The following CLIP4 variants were observed in gnomAD, a reference collection of about 807,000 sequenced individuals.
CLIP4 encodes CAP-Gly domain-containing linker protein 4.
CLIP4 carries 47 observed loss-of-function variants against 73.1 expected under a neutral mutation model. The ratio of observed to expected loss-of-function variants is 0.64; its 90% confidence interval spans 0.51 to 0.82. CLIP4 has a LOEUF of 0.82. Among genes scored for constraint, CLIP4 ranks in the 40% least tolerant of loss-of-function variants. The probability of loss-of-function intolerance (pLI) is 0.00; values close to 1 mark genes in which losing one functional copy is unlikely to be tolerated. For synonymous variants in CLIP4, 306 were observed against 295.4 expected (o/e 1.04, Z -0.37); for missense variants, 874 against 852.9 (o/e 1.02, Z -0.31).
intron 2 of CLIP4, among the ~76,000 whole-genome samples, chr2:29,127,611 T>C (rs1215244764): frequency 7.2e-5 from 11 of 152,112 alleles, no homozygotes; most frequent in Non-Finnish European, 1.6e-4. Flanking sequence ...TAATTCTTGT[T>C]CTGCTTGATT....
chr2:29,117,344 GTTTTTT>G (rs34002777), intron 1 of CLIP4, among the ~76,000 whole-genome samples: 1 of 141,720 alleles, frequency 7.1e-6, no homozygotes, highest in Non-Finnish European at 1.5e-5. Context: ...TTTTGTTTTT[GTTTTTT>G]TTTTTTGAGA....
At chr2:29,157,414 T>G (rs1339195605) in intron 11 of CLIP4, 67 bp downstream of exon 11, 1 of 1,613,080 alleles carries the variant, frequency 6.2e-7, no homozygotes, top group Admixed American at 1.7e-5. Context: ...TAAGTAGATT[T>G]GCTCTTTTTA....
At chr2:29,159,163 T>C (rs1452094272) in intron 11 of CLIP4, among the ~76,000 whole-genome samples, 1 of 152,250 alleles carries the variant, frequency 6.6e-6, no homozygotes, top group Non-Finnish European at 1.5e-5. Flanking sequence ...TTGGTTATGA[T>C]GAGGGCCTCG....
At chr2:29,136,790 A>G (rs1342438843) in intron 6 of CLIP4, among the ~76,000 whole-genome samples, 1 of 152,014 alleles carries the variant, frequency 6.6e-6, no homozygotes, top group African/African-American at 2.4e-5. Flanking sequence ...TGGAGTGTGA[A>G]GGGGGGAGGC....
intron 9 of CLIP4, among the ~76,000 whole-genome samples, chr2:29,155,800 T>G (rs1558561298): frequency 6.6e-6 from 1 of 152,164 alleles, no homozygotes; most frequent in Non-Finnish European, 1.5e-5. Context: ...AGCCCTGCTG[T>G]CAGGAGAGTG....
intron 1 of CLIP4, among the ~76,000 whole-genome samples, chr2:29,104,579 G>A (rs1441260940): frequency 6.6e-6 from 1 of 152,188 alleles, no homozygotes; most frequent in African/African-American, 2.4e-5. Flanking sequence ...GAGCCACCAC[G>A]CCCAGCCTCT....
rs1258013717 is a variant in CLIP4, at chr2:29,174,428, A to G, written c.1779A>G (p.Arg593=). 2 of 1,612,138 alleles carry G rather than the reference A, an allele frequency of 1.2e-6. No individual in the cohort carries two copies. Reference sequence around the variant, plus strand: ...CTTCTTCCCAAAAGGAGATTAACAGAAGAAATGCTTTTTCCAAGTGAGTAT... The same window carrying G: ...CTTCTTCCCAAAAGGAGATTAACAGGAGAAATGCTTTTTCCAAGTGAGTAT... ...TSASSQKEIN[R]RNAFSKSKAA... Residue 593 remains arginine, a synonymous_variant, in exon 15 of 16, where the codon AGA becomes AGG. Transcript: ENST00000320081.
chr2:29,122,288 A>G (rs746552342), intron 2 of CLIP4, among the ~76,000 whole-genome samples: 4 of 149,940 alleles, frequency 2.7e-5, no homozygotes, highest in African/African-American at 4.9e-5. Context: ...TACCTAGACC[A>G]GTCGTCAGAA....
At position 29,106,845 on chromosome 2, in the gene CLIP4, T is replaced by C. The variant is rs1333431732; in HGVS notation, c.-16+8898T>C. Among the ~76,000 whole-genome samples the C allele has an allele frequency of 3.3e-5, 5 of 152,342 alleles. 1 individual carries two copies. The highest frequency in any genetic ancestry group is 3.3e-4 in the Admixed American group (5 of 15,300). On this transcript the variant is annotated intron_variant, in intron 1 of 14. Transcript: ENST00000401605. ...AAAGATATTGCATGATATATTTTGA[T>C]GGGCCTTAAAAAATTAGACAATAGC...
chr2:29,099,894 T>G (rs915349355), intron 1 of CLIP4, among the ~76,000 whole-genome samples: 2 of 152,236 alleles, frequency 1.3e-5, no homozygotes, highest in African/African-American at 4.8e-5. Flanking sequence ...ATATACATTT[T>G]GTACATATTT....
At position 29,152,812 on chromosome 2, in the gene CLIP4, G is replaced by A. The variant is rs770581146; in HGVS notation, c.1149G>A (p.Thr383=). ...AGAAAATTGACGTAGCTCATGTGACGTCAAAAGTAAATACTGGTAGGTCAA... is the reference window on the plus strand; with the variant it reads ...AGAAAATTGACGTAGCTCATGTGACATCAAAAGTAAATACTGGTAGGTCAA... The part of the protein sequence containing the change: ...RSQKIDVAHV[T]SKVNTGLMTS... The change falls in exon 9 of 16, where the codon ACG becomes ACA. Residue 383 remains threonine (T), a synonymous_variant. Coordinates refer to ENST00000320081, the MANE Select transcript of CLIP4 (RefSeq NM_024692.6). The A allele has an allele frequency of 8.1e-6, 13 of 1,613,228 alleles. No homozygotes were observed. The highest frequency in any genetic ancestry group is 3.3e-5 in the Admixed American group (2 of 59,896).
rs1026291394 is a variant in CLIP4, at chr2:29,128,750, A to G, written c.134-2508A>G. ...TCTCTCTCCCTCTTCTGAACTTCCT[A>G]TAGCCATTTTGGTTTTTTTCCTTCA... On this transcript the variant is annotated intron_variant, in intron 2 of 15. Coordinates refer to ENST00000320081, the MANE Select transcript of CLIP4 (RefSeq NM_024692.6). Among the ~76,000 whole-genome samples the G allele has an allele frequency of 3.3e-5, 5 of 152,130 alleles. No individual in the cohort carries two copies. The South Asian group carries it at 1.0e-3, about 32-fold the overall frequency.
intron 10 of CLIP4, among the ~76,000 whole-genome samples, 187 bp from the exon 11 acceptor site, chr2:29,157,017 G>A (rs1015923867): frequency 1.3e-5 from 2 of 152,092 alleles, no homozygotes; most frequent in African/African-American, 4.8e-5. Context: ...ATTATTGCTT[G>A]TGTTATAAAA....
At chr2:29,135,787 C>A (rs1572918847) in intron 6 of CLIP4, 121 bp downstream of exon 6, 9 of 626,366 alleles carry the variant, frequency 1.4e-5, no homozygotes, top group Non-Finnish European at 2.7e-6. Flanking sequence ...TAATTTATAT[C>A]TTTGTGCCAC....
intron 15 of CLIP4, among the ~76,000 whole-genome samples, chr2:29,179,079 G>A (rs1357039573): frequency 1.3e-5 from 2 of 152,238 alleles, no homozygotes; most frequent in African/African-American, 4.8e-5. Context: ...ATAGGCATGA[G>A]CCACTGCGCC....
upstream of CLIP4, among the ~76,000 whole-genome samples, chr2:29,113,569 ACT>A (rs762747122): frequency 2.6e-5 from 4 of 152,078 alleles, no homozygotes; most frequent in Non-Finnish European, 5.9e-5. The surrounding 1 kb of genome is among the most constrained non-coding windows in gnomAD (Gnocchi z 4.0). Context: ...TGAGTGGGAG[ACT>A]CTGGTGGCTT....
chr2:29,154,998 A>G (rs945990022), intron 9 of CLIP4, among the ~76,000 whole-genome samples: 2 of 152,230 alleles, frequency 1.3e-5, no homozygotes, highest in African/African-American at 4.8e-5. Context: ...AAGACACAAG[A>G]TACAATTTAA....
At position 29,181,771 on chromosome 2, in the gene CLIP4, G is replaced by A; in HGVS notation, c.1996G>A (p.Asp666Asn). The change falls in exon 16 of 16, where the codon GAT (aspartate) becomes AAT (asparagine). Residue 666 changes from aspartate to asparagine, a missense_variant. Physicochemically the swap from Asp to Asn is conservative, Grantham distance 23 (BLOSUM62 1). Coordinates refer to ENST00000320081, the MANE Select transcript of CLIP4 (RefSeq NM_024692.6). ...LELRSAKGKN[D>N]GSVGDKRYFT... ...GCTCCGAAGCGCCAAGGGAAAAAAT[G>A]ATGGGTCAGTGGGTGACAAGCGCTA... The A allele has an allele frequency of 6.2e-7, 1 of 1,614,208 alleles. No homozygotes were observed. The highest frequency in any genetic ancestry group is 8.5e-7 in the Non-Finnish European group (1 of 1,180,034).
At chr2:29,100,470 C>T (rs1668010653) in intron 1 of CLIP4, among the ~76,000 whole-genome samples, 1 of 151,986 alleles carries the variant, frequency 6.6e-6, no homozygotes, top group African/African-American at 2.4e-5. Context: ...TAGTGTGATA[C>T]ATTTGTTGCA....
Sources: gnomAD v4.1 joint callset for allele counts (sites outside exome capture counted in the v4.1 genomes callset) on GRCh38, gnomAD v4.1.1 for gene constraint, Gnocchi (gnomAD v3.1) non-coding constraint, MANE v1.5 for transcripts, NCBI Gene and HGNC (gene_info 2026-07-23, HGNC 2026-07-21) for gene names.